The following SLAMF9 variants were observed in gnomAD, a reference collection of about 807,000 sequenced individuals.
SLAMF9 encodes the protein SLAM family member 9, also known as CD2 family member 10.
In SLAMF9, 25 loss-of-function variants were observed where a neutral mutation model predicts 30.4. That is an observed-to-expected ratio of 0.82 (90% confidence interval 0.60 to 1.15). The LOEUF (loss-of-function observed/expected upper bound fraction) is 1.15, where lower values mean the gene tolerates loss of function less well. Ranked by LOEUF, SLAMF9 falls within the 50% of genes most tolerant of loss-of-function variation. The pLI is 0.00. For synonymous variants in SLAMF9, 129 were observed against 127.2 expected, an observed-to-expected ratio of 1.01 and a Z score of -0.09; for missense variants, 344 against 346.1, an observed-to-expected ratio of 0.99 and a Z score of 0.05.
the SLAMF9 span, chr1:159,974,082 A>C: frequency 6.4e-7 from 1 of 1,554,960 alleles, no homozygotes; most frequent in Non-Finnish European, 8.8e-7. Context: ...GCAGAGGAAC[A>C]GGGCAGCCCT....
At chr1:159,964,660 A>G in the SLAMF9 span, among the ~76,000 whole-genome samples, 1 of 152,212 alleles carries the variant, frequency 6.6e-6, no homozygotes, top group Non-Finnish European at 1.5e-5. Flanking sequence ...AGACTCCCTC[A>G]AGGTCACAGT....
In SLAMF9 at chr1:159,954,086, A is replaced by G; in HGVS notation, c.46+6T>C. On this transcript the variant is annotated splice_donor_region_variant and intron_variant, in intron 1 of 3. Transcript: ENST00000368093. ...TTCCTGTGCACGAGCTGGCAGCTTC[A>G]CTCACCCTCCTGGAGCAGCAGGAGA... is the stretch of plus-strand genomic sequence containing the variant. 6.2e-7 allele frequency: 1 copy of G among 1,613,662 alleles called. No individual in the cohort carries two copies. Among genetic ancestry groups the G allele is most frequent in the Non-Finnish European group, 8.5e-7 (1 of 1,179,912 alleles).
At chr1:159,973,763 C>T in the SLAMF9 span, 2 of 1,606,642 alleles carry the variant, frequency 1.2e-6, no homozygotes, top group South Asian at 1.1e-5. Context: ...TGAGAGGCAC[C>T]TCCTGCCCCA....
chr1:159,961,880 C>T, the SLAMF9 span, among the ~76,000 whole-genome samples: 8 of 151,850 alleles, frequency 5.3e-5, no homozygotes, highest in South Asian at 2.1e-4. Flanking sequence ...TACCTTTGGC[C>T]GGGCGTGGCG....
chr1:159,957,295 T>G (rs1247255970), upstream of SLAMF9, among the ~76,000 whole-genome samples: 2 of 151,848 alleles, frequency 1.3e-5, no homozygotes, highest in Non-Finnish European at 2.9e-5. Flanking sequence ...TACCATATGG[T>G]GACTACAGTT....
upstream of SLAMF9, among the ~76,000 whole-genome samples, chr1:159,958,874 A>G (rs1651983499): frequency 6.6e-6 from 1 of 152,116 alleles, no homozygotes; most frequent in African/African-American, 2.4e-5. Flanking sequence ...TCTGCCTCAG[A>G]TGTGAACTCT....
At chr1:159,952,233 C>G (rs36082532) in intron 3 of SLAMF9, 29 bp downstream of exon 3, 45,246 of 1,611,584 alleles carry the variant, frequency 0.028, 785 homozygotes, top group Middle Eastern at 0.045. Flanking sequence ...CTTTCATGAG[C>G]TCAGGGGGTG....
At position 159,953,314 on chromosome 1, in the gene SLAMF9, A is replaced by T. The variant is rs199677431; in HGVS notation, c.386T>A (p.Val129Asp). ...ISTMQQYNIC[V>D]YRWLSEPQIT... ...GGTTCCCAGCCTAAACTCACGGTAG[A>T]CACATATATTGTACTGCTGCATGGT... is the stretch of plus-strand genomic sequence containing the variant. The change falls in exon 2 of 4, where the codon GTC becomes GAC. Residue 129 changes from valine to aspartate, a missense_variant. Physicochemically the swap from Val to Asp is radical, Grantham distance 152 (BLOSUM62 -3). Coordinates refer to ENST00000368093, the MANE Select transcript of SLAMF9 (RefSeq NM_033438.4). 1 of 1,596,110 alleles carries T rather than the reference A, an allele frequency of 6.3e-7. No individual in the cohort carries two copies. The highest frequency in any genetic ancestry group is 2.3e-5 in the East Asian group (1 of 44,340).
the SLAMF9 span, chr1:159,973,986 T>G: frequency 3.7e-5 from 59 of 1,610,216 alleles, no homozygotes; most frequent in African/African-American, 6.9e-4. Context: ...CAGTGGTGTA[T>G]TCTTCCATCC....
the SLAMF9 span, among the ~76,000 whole-genome samples, chr1:159,981,963 C>T: frequency 6.6e-6 from 1 of 152,228 alleles, no homozygotes; most frequent in South Asian, 2.1e-4. Flanking sequence ...GCACTGCAGT[C>T]TGAAGTCTCT....
At chr1:159,979,656 A>G in the SLAMF9 span, among the ~76,000 whole-genome samples, 1 of 148,156 alleles carries the variant, frequency 6.7e-6, no homozygotes, top group East Asian at 1.9e-4. Context: ...AACGTAAGGC[A>G]ATCTTTTTTT....
At chr1:159,981,291 C>A in the SLAMF9 span, among the ~76,000 whole-genome samples, 4 of 152,120 alleles carry the variant, frequency 2.6e-5, no homozygotes, top group Non-Finnish European at 4.4e-5. Context: ...AGGAGGGAGG[C>A]CTCAGAAGAA....
In SLAMF9 at chr1:159,952,803, A is replaced by C. The variant is rs546966617; in HGVS notation, c.392-269T>G. On this transcript the variant is annotated intron_variant, in intron 2 of 3. Coordinates refer to ENST00000368093, the MANE Select transcript of SLAMF9 (RefSeq NM_033438.4). ...TTACTTTTGTACTCTACCTTCCTCC[A>C]AACCCCATTCTGTCTCCTTGATCCC... 3.3e-5 allele frequency among the ~76,000 whole-genome samples: 5 copies of C among 152,254 alleles called. No homozygotes were observed. In the East Asian group the frequency reaches 9.6e-4, roughly 29 times the overall value.
rs375812784 is a variant in SLAMF9, at chr1:159,953,473, A to G, written c.227T>C (p.Met76Thr). 4.7e-5 allele frequency: 76 copies of G among 1,614,200 alleles called. No homozygotes were observed. The East Asian group carries it at 9.4e-4, about 20-fold the overall frequency. Reference protein sequence around the residue: ...PGKEGHPATIMVTNPHYQGQV... With the variant: ...PGKEGHPATITVTNPHYQGQV... ...GCCCTGGTAGTGTGGATTGGTCACC[A>G]TGATGGTAGCTGGATGTCCCTCTTT... Residue 76 changes from methionine (M) to threonine (T), a missense_variant, in exon 2 of 4, where the codon ATG (methionine) becomes ACG (threonine). Physicochemically the swap from Met to Thr is moderately conservative, Grantham distance 81. Transcript: ENST00000368093.
the SLAMF9 span, chr1:159,983,411 C>T: frequency 6.6e-5 from 10 of 152,270 alleles, no homozygotes; most frequent in Non-Finnish European, 1.3e-4. Flanking sequence ...GGAAAGTCCC[C>T]CTTTCCTAGG....
chr1:159,981,910 G>C, the SLAMF9 span, among the ~76,000 whole-genome samples: 3,214 of 152,292 alleles, frequency 0.021, 92 homozygotes, highest in African/African-American at 0.074. Context: ...CATCCTACCT[G>C]ATCCTCTTCC....
chr1:159,958,636 A>C (rs1651980290), upstream of SLAMF9, among the ~76,000 whole-genome samples: 1 of 151,082 alleles, frequency 6.6e-6, no homozygotes, highest in South Asian at 2.1e-4. Context: ...AAGTTTTTTA[A>C]TTTTTTTTTA....
Position 159,952,412 on chromosome 1 carries a change from G to C in SLAMF9, c.514C>G (p.Arg172Gly). 1 of 1,614,046 alleles carries C rather than the reference G, an allele frequency of 6.2e-7. No individual in the cohort carries two copies. The highest frequency in any genetic ancestry group is 8.5e-7 in the Non-Finnish European group (1 of 1,180,002). The part of the protein sequence containing the change: ...GMDMTYSWLS[R>G]GDSTYTFHEG... The stretch of plus-strand genomic sequence containing the variant: ...TGGAATGTATAAGTGCTATCCCCCC[G>C]GGAGAGCCAGCTGTAGGTCATATCC... Residue 172 changes from arginine (R) to glycine (G), a missense_variant, in exon 3 of 4, where the codon CGG (arginine) becomes GGG (glycine). Arg to Gly is a moderately radical substitution (Grantham distance 125, BLOSUM62 -2). Transcript: ENST00000368093.
chr1:159,977,006 GAGAAAGAAAGA>G, the SLAMF9 span: 1 of 101,486 alleles, frequency 9.9e-6, no homozygotes, highest in Non-Finnish European at 2.2e-5. Flanking sequence ...AAGAAAGAAA[GAGAAAGAAAGA>G]AAAGAAGATT....
Sources: gnomAD v4.1 joint callset for allele counts (sites outside exome capture counted in the v4.1 genomes callset) on GRCh38, gnomAD v4.1.1 for gene constraint, MANE v1.5 for transcripts, NCBI Gene and HGNC (gene_info 2026-07-23, HGNC 2026-07-21) for gene names.